ARHGAP23: variants seen among roughly 807,000 people sequenced by gnomAD.
ARHGAP23 encodes Rho GTPase activating protein 23.
Under a neutral mutation model 136.3 loss-of-function variants are expected in ARHGAP23, and 34 were observed. The ratio of observed to expected loss-of-function variants is 0.25; its 90% CI spans 0.19 to 0.33. The LOEUF is 0.33. Among genes scored for constraint, ARHGAP23 ranks in the 10% least tolerant of loss-of-function variants. ARHGAP23 has a pLI of 1.00. For synonymous variants in ARHGAP23, 832 were observed against 920.5 expected (o/e 0.90, Z 1.74); for missense variants, 1,808 against 2,139.0 (o/e 0.85, Z 3.05).
intron 6 of ARHGAP23, 54 bp from the exon 7 acceptor site, chr17:38,466,113 C>T: frequency 7.1e-7 from 1 of 1,402,650 alleles, no homozygotes; most frequent in Non-Finnish European, 9.3e-7. Context: ...TGCCGTTCCC[C>T]TACCCTGTGG....
intron 1 of ARHGAP23, among the ~76,000 whole-genome samples, chr17:38,441,819 C>G (rs2038926754): frequency 6.6e-6 from 1 of 152,112 alleles, no homozygotes. Context: ...GGAGCAGGCT[C>G]TGAGTCTCAG....
At chr17:38,440,054 C>T (rs2038888238) in intron 1 of ARHGAP23, among the ~76,000 whole-genome samples, 1 of 151,006 alleles carries the variant, frequency 6.6e-6, no homozygotes, top group East Asian at 2.0e-4. Context: ...GACAGTCTTG[C>T]TCTGTCACCC....
chr17:38,437,204 C>T (rs2038816126), intron 1 of ARHGAP23, among the ~76,000 whole-genome samples: 1 of 115,556 alleles, frequency 8.7e-6, no homozygotes, highest in Non-Finnish European at 1.8e-5. Flanking sequence ...TGCTTGACGC[C>T]AGGATTTTTT....
At chr17:38,478,975 C>T (rs1398584210) in intron 12 of ARHGAP23, among the ~76,000 whole-genome samples, 3 of 152,172 alleles carry the variant, frequency 2.0e-5, no homozygotes, top group Non-Finnish European at 2.9e-5. Flanking sequence ...CTCTGCTCTC[C>T]CGGGAACAGC....
chr17:38,487,904 A>G (rs541910970), intron 17 of ARHGAP23, among the ~76,000 whole-genome samples: 129 of 152,104 alleles, frequency 8.5e-4, no homozygotes, highest in African/African-American at 2.8e-3. Flanking sequence ...AAATAAAAAT[A>G]AAAATACTAT....
intron 12 of ARHGAP23, among the ~76,000 whole-genome samples, 153 bp from the exon 13 acceptor site, chr17:38,479,283 G>A (rs565012045): frequency 6.6e-4 from 101 of 152,178 alleles, no homozygotes; most frequent in African/African-American, 1.8e-3. Context: ...CTGGTGAGAG[G>A]GTGCTGGGGA....
chr17:38,466,064 C>G (rs535168335), intron 6 of ARHGAP23, 103 bp from the exon 7 acceptor site: 2 of 965,380 alleles, frequency 2.1e-6, no homozygotes, highest in South Asian at 2.0e-5. Flanking sequence ...TTGGTCCTCT[C>G]CCTTCATTTC....
intron 20 of ARHGAP23, among the ~76,000 whole-genome samples, chr17:38,496,220 T>C (rs972667867): frequency 4.6e-5 from 7 of 152,204 alleles, no homozygotes; most frequent in Admixed American, 4.6e-4. Context: ...TTTCTAATGC[T>C]TATCAGTTTC....
intron 1 of ARHGAP23, chr17:38,457,685 CAT>C: frequency 4.3e-6 from 1 of 234,930 alleles, no homozygotes. Flanking sequence ...TCTGGGAGTG[CAT>C]ATATGTGTGC....
chr17:38,499,207 T>A (rs1485260250), intron 22 of ARHGAP23, among the ~76,000 whole-genome samples: 1 of 152,254 alleles, frequency 6.6e-6, no homozygotes, highest in Non-Finnish European at 1.5e-5. Context: ...ATCGAATTGC[T>A]GCCCTCCTGC....
At chr17:38,489,392 C>T (rs1028255376) in intron 17 of ARHGAP23, among the ~76,000 whole-genome samples, 2 of 138,538 alleles carry the variant, frequency 1.4e-5, no homozygotes, top group African/African-American at 2.7e-5. Flanking sequence ...CCATTTGTCC[C>T]GGGGACATCT....
intron 1 of ARHGAP23, among the ~76,000 whole-genome samples, chr17:38,443,878 C>CA (rs1433539263): frequency 6.6e-6 from 1 of 152,124 alleles, no homozygotes; most frequent in Non-Finnish European, 1.5e-5. Context: ...CCCAGGCTGT[C>CA]AGACAACAGG....
At chr17:38,484,924 AGT>A (rs2040126574) in intron 16 of ARHGAP23, among the ~76,000 whole-genome samples, 1 of 151,874 alleles carries the variant, frequency 6.6e-6, no homozygotes, top group South Asian at 2.1e-4. Context: ...CATTGTAATG[AGT>A]GTGTGTACTG....
At chr17:38,421,129 C>T (rs1364371227) in intron 1 of ARHGAP23, among the ~76,000 whole-genome samples, 2 of 152,222 alleles carry the variant, frequency 1.3e-5, no homozygotes, top group African/African-American at 4.8e-5. Context: ...AGCCTGCTCC[C>T]CTGTACCCTC....
intron 20 of ARHGAP23, among the ~76,000 whole-genome samples, chr17:38,495,271 G>A (rs1233214157): frequency 7.1e-6 from 1 of 141,280 alleles, no homozygotes; most frequent in Admixed American, 7.4e-5. Context: ...TCACTCTGTC[G>A]CCCAGGCTGG....
rs1184463471 is a variant in ARHGAP23 at position 38,463,042 on chromosome 17, C to A, written c.350-76C>A. ...GAGGCTCCTGTCCCCACAGTGTTAG[C>A]CATGCCTGGTACAGGGGTTCTCAGA... On this transcript the variant is annotated intron_variant, in intron 4 of 23. Transcript: ENST00000622683. 4.6e-6 allele frequency: 7 copies of A among 1,533,622 alleles called. No individual in the cohort carries two copies. In the African/African-American group the frequency reaches 9.7e-5, roughly 21 times the overall value.
intron 1 of ARHGAP23, among the ~76,000 whole-genome samples, chr17:38,419,982 G>A (rs185138466): frequency 1.3e-3 from 197 of 152,250 alleles, no homozygotes; most frequent in Non-Finnish European, 2.0e-3. Flanking sequence ...AGATGGGGTG[G>A]GCTAAGAGGC....
intron 23 of ARHGAP23, among the ~76,000 whole-genome samples, chr17:38,503,189 G>A (rs2144802745): frequency 6.6e-6 from 1 of 152,354 alleles, no homozygotes; most frequent in South Asian, 2.1e-4. Context: ...GCTCCTAGCA[G>A]ATGCATCCCC....
chr17:38,477,870 C>T lies in ARHGAP23; in HGVS notation c.2410C>T (p.Arg804Trp), dbSNP rs1204247244. 1.6e-5 allele frequency: 24 copies of T among 1,548,350 alleles called. No individual in the cohort carries two copies. Among genetic ancestry groups the T allele is most frequent in the South Asian group, 4.8e-5 (4 of 83,986 alleles). Residue 804 changes from arginine to tryptophan, a missense_variant, in exon 12 of 24, where the codon CGG (arginine) becomes TGG (tryptophan). By Grantham distance (101) the Arg-to-Trp change is moderately radical. This residue lies in a region of ARHGAP23 where 139 missense variants were observed against 264.3 expected (regional missense o/e 0.53). Transcript: ENST00000622683. This position sits in a 1 kb window ranked among gnomAD's most constrained non-coding sequence, Gnocchi z 6.6. ...CATGCTGGGCTGGATCAGAGCGATCCGGGAGAACAGCAGGGCCGAGGGCGA... is the reference window on the plus strand; with the variant it reads ...CATGCTGGGCTGGATCAGAGCGATCTGGGAGAACAGCAGGGCCGAGGGCGA... ...DDMLGWIRAI[R>W]ENSRAEGEDP...
Sources: allele counts gnomAD v4.1 joint callset (sites outside exome capture counted in the v4.1 genomes callset), GRCh38; gene constraint gnomAD v4.1.1; regional missense constraint gnomAD v4.1.1; non-coding constraint Gnocchi (gnomAD v3.1); transcripts MANE v1.5; gene names NCBI Gene and HGNC (gene_info 2026-07-23, HGNC 2026-07-21).